Variants in MAPRE2 observed in about 807,000 individuals in gnomAD.
The protein encoded by MAPRE2 is microtubule associated protein RP/EB family member 2.
In MAPRE2, 13 loss-of-function variants were observed where a neutral mutation model predicts 43.2. The observed-to-expected ratio is 0.30, with a 90% CI of 0.20 to 0.48. The LOEUF is 0.48. MAPRE2 is among the 20% of genes least tolerant of loss of function. MAPRE2 has a pLI of 0.99. For synonymous variants in MAPRE2, 135 were observed against 148.8 expected (o/e 0.91, Z 0.68); for missense variants, 161 against 400.2 (o/e 0.40, Z 5.10).
chr18:35,009,883 G>T (rs1481166775), intron 2 of MAPRE2, among the ~76,000 whole-genome samples: 1 of 152,152 alleles, frequency 6.6e-6, no homozygotes, highest in Non-Finnish European at 1.5e-5. Flanking sequence ...TCTAGGGTTA[G>T]ACAGTGGCAT....
At chr18:35,099,833 G>A (rs1380691879) in intron 3 of MAPRE2, among the ~76,000 whole-genome samples, 31 of 152,038 alleles carry the variant, frequency 2.0e-4, no homozygotes, top group Admixed American at 2.0e-3. Flanking sequence ...TTCTATTTTA[G>A]CTGCATAAAA....
At chr18:35,055,113 T>C (rs78772585) in intron 1 of MAPRE2, among the ~76,000 whole-genome samples, 1 of 152,212 alleles carries the variant, frequency 6.6e-6, no homozygotes, top group South Asian at 2.1e-4. Flanking sequence ...CAAACGTTTA[T>C]ATGGATTATA....
intron 1 of MAPRE2, among the ~76,000 whole-genome samples, chr18:35,066,901 T>C (rs1906862623): frequency 6.6e-6 from 1 of 152,214 alleles, no homozygotes; most frequent in Non-Finnish European, 1.5e-5. Context: ...TATAAGAATA[T>C]TCCCATCAGC....
At chr18:35,026,065 G>A (rs548681328) in intron 2 of MAPRE2, among the ~76,000 whole-genome samples, 7 of 152,238 alleles carry the variant, frequency 4.6e-5, no homozygotes, top group African/African-American at 1.7e-4. Context: ...TAGAGCTGGT[G>A]GTGAGATGTG....
At chr18:35,081,058 A>G (rs1210317494) in intron 2 of MAPRE2, among the ~76,000 whole-genome samples, 1 of 152,248 alleles carries the variant, frequency 6.6e-6, no homozygotes, top group Non-Finnish European at 1.5e-5. Context: ...CTTCTAGATT[A>G]CATTTGTATG....
chr18:35,075,603 A>G (rs1193996740), intron 2 of MAPRE2, among the ~76,000 whole-genome samples: 2 of 152,178 alleles, frequency 1.3e-5, no homozygotes, highest in Admixed American at 6.5e-5. Context: ...TAGGGAGGTA[A>G]TTGTAATGGA....
chr18:34,980,161 G>C (rs1488840076), intron 1 of MAPRE2, among the ~76,000 whole-genome samples: 1 of 151,206 alleles, frequency 6.6e-6, no homozygotes, highest in African/African-American at 2.4e-5. Flanking sequence ...GAGTAGCTGG[G>C]ATTACAGGCA....
intron 1 of MAPRE2, chr18:35,005,460 A>C (rs1331089630): frequency 3.7e-6 from 5 of 1,350,890 alleles, no homozygotes; most frequent in Non-Finnish European, 5.1e-6. Flanking sequence ...AAATGCTTGC[A>C]CTCTTTTTTT....
chr18:35,131,154 G>A (rs1910126539), intron 5 of MAPRE2, among the ~76,000 whole-genome samples: 1 of 152,180 alleles, frequency 6.6e-6, no homozygotes, highest in Non-Finnish European at 1.5e-5. Context: ...GTTTCTCCCT[G>A]GAGAGCGTTT....
At chr18:34,998,427 T>C (rs887969912) in intron 1 of MAPRE2, among the ~76,000 whole-genome samples, 3 of 150,588 alleles carry the variant, frequency 2.0e-5, no homozygotes, top group African/African-American at 7.3e-5. Flanking sequence ...CCCAGGTTCA[T>C]GCCATTCTCC....
chr18:35,131,770 A>C (rs1290622379), intron 5 of MAPRE2: 1 of 434,670 alleles, frequency 2.3e-6, no homozygotes, highest in Non-Finnish European at 4.2e-6. Flanking sequence ...GGGGAACCGC[A>C]CAAGCAGAAA....
At chr18:35,015,525 C>T (rs1197714430) in intron 2 of MAPRE2, among the ~76,000 whole-genome samples, 4 of 151,926 alleles carry the variant, frequency 2.6e-5, no homozygotes, top group East Asian at 1.9e-4. Context: ...AGGACCCAAG[C>T]GGGTGTGAAT....
intron 1 of MAPRE2, among the ~76,000 whole-genome samples, chr18:34,996,604 G>T (rs1746747828): frequency 6.6e-6 from 1 of 152,132 alleles, no homozygotes; most frequent in African/African-American, 2.4e-5. Flanking sequence ...TGGGTTGGAA[G>T]CTTCAGTTCA....
At chr18:35,033,762 A>G (rs556585863) in intron 2 of MAPRE2, among the ~76,000 whole-genome samples, 1,829 of 151,098 alleles carry the variant, frequency 0.012, 7 homozygotes, top group African/African-American at 0.042. Context: ...TCCCATTCAC[A>G]ATTGCTTCAA....
intron 2 of MAPRE2, among the ~76,000 whole-genome samples, chr18:35,026,174 T>C (rs1191046552): frequency 1.3e-5 from 2 of 151,900 alleles, no homozygotes; most frequent in South Asian, 4.2e-4. Flanking sequence ...GGGAGAGGAA[T>C]GGGCAGGACA....
chr18:34,993,879 A>G (rs779127990), intron 1 of MAPRE2, among the ~76,000 whole-genome samples: 1 of 152,060 alleles, frequency 6.6e-6, no homozygotes. Flanking sequence ...GCCCTTCATT[A>G]TTTATGTCGA....
chr18:35,047,143 T>C (rs921656542), intron 1 of MAPRE2, among the ~76,000 whole-genome samples: 2 of 152,206 alleles, frequency 1.3e-5, no homozygotes, highest in African/African-American at 4.8e-5. Flanking sequence ...TTACCCTAAA[T>C]AGTGTGTGTG....
intron 6 of MAPRE2, among the ~76,000 whole-genome samples, chr18:35,134,065 T>G (rs1377713705): frequency 6.6e-6 from 1 of 152,240 alleles, no homozygotes; most frequent in Non-Finnish European, 1.5e-5. Context: ...ACACCTCTTC[T>G]GAGACACCTG....
Position 35,102,104 on chromosome 18 carries a change from T to A in MAPRE2, c.555T>A (p.Gly185=), listed in dbSNP as rs111906099. The A allele has an allele frequency of 2.5e-6, 4 of 1,612,272 alleles. No individual in the cohort carries two copies. In the African/African-American group the frequency reaches 4.0e-5, roughly 16 times the overall value. Residue 185 remains glycine, a synonymous_variant, in exon 4 of 7, where the codon GGT becomes GGA. Transcript: ENST00000300249. ...ATGCAATTCCTCCTCCTGACCCTGG[T>A]GAACAGATCTTCAACCTGCCAAAAA... ...GQDAIPPPDP[G]EQIFNLPKKS... is the part of the protein sequence containing the mutation.
Sources: gnomAD v4.1 joint callset for allele counts (sites outside exome capture counted in the v4.1 genomes callset) on GRCh38, gnomAD v4.1.1 for gene constraint, MANE v1.5 for transcripts, NCBI Gene and HGNC (gene_info 2026-07-23, HGNC 2026-07-21) for gene names.